Variants in ASB4 observed in about 807,000 individuals in gnomAD.
ASB4 encodes ankyrin repeat and SOCS box protein 4.
Under a neutral mutation model 38.6 loss-of-function variants are expected in ASB4, and 35 were observed. The observed-to-expected ratio is 0.91, with a 90% CI of 0.69 to 1.20. The LOEUF (loss-of-function observed/expected upper bound fraction) is 1.20, where lower values mean the gene tolerates loss of function less well. Among genes scored for constraint, ASB4 ranks in the 50% most tolerant of loss-of-function variants. ASB4 has a pLI of 0.00. For missense variants in ASB4, 557 were observed against 527.2 expected (o/e 1.06, Z -0.55); for synonymous variants, 195 against 201.3 (o/e 0.97, Z 0.26).
rs149408917 is a variant in ASB4 at position 95,500,471 on chromosome 7, C to G, written c.487+4414C>G. ...TTCCTAGCTACTCGAAAGGCTGAGG[C>G]AGGAGAATTGCTTGAGCTCACGAGT... On this transcript the variant is annotated intron_variant, in intron 2 of 4. Transcript: ENST00000325885. Among the ~76,000 whole-genome samples the G allele has an allele frequency of 5.8e-3, 834 of 144,208 alleles. 10 individuals carry two copies. Among genetic ancestry groups the G allele is most frequent in the African/African-American group, 0.02 (776 of 38,610 alleles). The allele number at this position is 144,208 out of a possible 152,430, so 94.6% of individuals were successfully genotyped here. A position where few individuals can be genotyped will look rare whatever the true frequency, so the allele number is the denominator to read the frequency against.
chr7:95,481,127 TG>T (rs149942720), upstream of ASB4, among the ~76,000 whole-genome samples: 4,870 of 152,266 alleles, frequency 0.032, 246 homozygotes, highest in African/African-American at 0.11. Context: ...CTAGAAATAA[TG>T]ATAACAATTA....
the ASB4 span, among the ~76,000 whole-genome samples, chr7:95,550,802 T>C: frequency 4.6e-5 from 7 of 152,200 alleles, no homozygotes; most frequent in Non-Finnish European, 7.3e-5. Context: ...CAAAGGTTAC[T>C]TGAAATTCAG....
chr7:95,529,972 T>A (rs1376498881), intron 3 of ASB4, among the ~76,000 whole-genome samples: 2 of 152,132 alleles, frequency 1.3e-5, no homozygotes, highest in Non-Finnish European at 2.9e-5. Context: ...GGTACTGTTC[T>A]ATTTGCTGGA....
intron 2 of ASB4, among the ~76,000 whole-genome samples, chr7:95,511,034 C>T (rs1339703902): frequency 6.6e-6 from 1 of 152,160 alleles, no homozygotes; most frequent in African/African-American, 2.4e-5. Context: ...TAAGTAATAA[C>T]TTATGGAACA....
At position 95,538,915 on chromosome 7, in the gene ASB4, GTAAA is replaced by G. The variant is rs1246978148; in HGVS notation, c.*1159_*1162del. The G allele has an allele frequency of 6.6e-5, 10 of 152,188 alleles. No individual in the cohort carries two copies. Among genetic ancestry groups the G allele is most frequent in the African/African-American group, 2.4e-4 (10 of 41,452 alleles). 9.4% of individuals were successfully genotyped at this position (152,188 alleles called of 1,614,324 possible). On this transcript the variant is annotated 3_prime_UTR_variant, in exon 5 of 5. Transcript: ENST00000325885. Reference sequence around the variant, plus strand: ...TGCTAGTGACAGTGGGCTACGAAAAGTAAATAGAGAGACTTTTTGAAAATGGTAA... The same window carrying G: ...TGCTAGTGACAGTGGGCTACGAAAAGTAGAGAGACTTTTTGAAAATGGTAA...
chr7:95,481,647 G>A (rs774825487), upstream of ASB4, among the ~76,000 whole-genome samples: 1 of 152,266 alleles, frequency 6.6e-6, no homozygotes, highest in Non-Finnish European at 1.5e-5. Flanking sequence ...GATAAACCAA[G>A]GAGCCATTTG....
At chr7:95,512,677 A>G (rs1790499058) in intron 2 of ASB4, among the ~76,000 whole-genome samples, 1 of 152,214 alleles carries the variant, frequency 6.6e-6, no homozygotes, top group South Asian at 2.1e-4. Flanking sequence ...ATCTTGCAAT[A>G]CTAATATGCC....
the ASB4 span, among the ~76,000 whole-genome samples, chr7:95,547,402 T>C: frequency 6.6e-6 from 1 of 152,228 alleles, no homozygotes; most frequent in Non-Finnish European, 1.5e-5. Flanking sequence ...GCATATATTC[T>C]TATGTGTTTG....
chr7:95,473,619 G>C (rs990220226), upstream of ASB4: 10 of 151,236 alleles, frequency 6.6e-5, no homozygotes, highest in Admixed American at 2.6e-4. Flanking sequence ...CATTGTGAAT[G>C]CTTTTGTAAT....
chr7:95,498,936 T>A (rs1790291149), intron 2 of ASB4, among the ~76,000 whole-genome samples: 1 of 152,212 alleles, frequency 6.6e-6, no homozygotes, highest in South Asian at 2.1e-4. Flanking sequence ...AGTATTTTTG[T>A]CAAAAATCAA....
chr7:95,491,762 C>T (rs1315649255), intron 1 of ASB4, among the ~76,000 whole-genome samples: 3 of 152,152 alleles, frequency 2.0e-5, no homozygotes, highest in African/African-American at 7.2e-5. Flanking sequence ...GTTTGGTCCT[C>T]CATGACAGTA....
chr7:95,473,433 C>T, the ASB4 span, among the ~76,000 whole-genome samples: 1 of 152,132 alleles, frequency 6.6e-6, no homozygotes, highest in African/African-American at 2.4e-5. Context: ...GCTGTGAGAG[C>T]CACAGGTTTA....
chr7:95,526,552 C>T (rs535551361), intron 2 of ASB4, among the ~76,000 whole-genome samples: 3 of 152,278 alleles, frequency 2.0e-5, no homozygotes, highest in South Asian at 4.1e-4. Context: ...TAGTTGCACT[C>T]GTGACAACTA....
chr7:95,515,173 CTTTCTT>C (rs1430308891), intron 2 of ASB4, among the ~76,000 whole-genome samples: 14 of 65,346 alleles, frequency 2.1e-4, no homozygotes, highest in African/African-American at 9.2e-4. Flanking sequence ...CTTTCTCTTT[CTTTCTT>C]TCTTTCTTTC....
At position 95,539,424 on chromosome 7, in the gene ASB4, T is replaced by C. The variant is rs1790940380; in HGVS notation, c.*1665T>C. 1 of 152,194 alleles carries C rather than the reference T, an allele frequency of 6.6e-6. No individual in the cohort carries two copies. The highest frequency in any genetic ancestry group is 2.4e-5 in the African/African-American group (1 of 41,444). 9.4% of individuals were successfully genotyped at this position (152,194 alleles called of 1,614,324 possible). A position where few individuals can be genotyped will look rare whatever the true frequency, so the allele number is the denominator to read the frequency against. ...TATCAGTTTTACTCAGATATTTTGG[T>C]GGAGATATTTTGTACTAAAACAAGA... On this transcript the variant is annotated 3_prime_UTR_variant, in exon 5 of 5. Coordinates refer to ENST00000325885, the MANE Select transcript of ASB4 (RefSeq NM_016116.3).
At chr7:95,486,347 C>G (rs1562808338) in intron 1 of ASB4, among the ~76,000 whole-genome samples, 189 bp downstream of exon 1, 1 of 151,994 alleles carries the variant, frequency 6.6e-6, no homozygotes, top group South Asian at 2.1e-4. Context: ...ATGTATAAGT[C>G]GTGTCTCTCC....
intron 3 of ASB4, 172 bp downstream of exon 3, chr7:95,528,475 A>T: frequency 6.9e-7 from 1 of 1,441,418 alleles, no homozygotes; most frequent in Non-Finnish European, 9.1e-7. Flanking sequence ...ATCTCATCCT[A>T]GTCTAGGTTT....
At chr7:95,489,668 G>A (rs566818533) in intron 1 of ASB4, among the ~76,000 whole-genome samples, 26 of 152,094 alleles carry the variant, frequency 1.7e-4, no homozygotes, top group Non-Finnish European at 3.1e-4. Context: ...CCAAAATTGC[G>A]TTTACCAGAT....
In ASB4 at chr7:95,486,010, T is replaced by A; in HGVS notation, c.39T>A (p.Ala13=). 1 of 1,614,124 alleles carries A rather than the reference T, an allele frequency of 6.2e-7. No individual in the cohort carries two copies. The highest frequency in any genetic ancestry group is 8.5e-7 in the Non-Finnish European group (1 of 1,179,988). The part of the protein sequence containing the change: ...GTTAPVTKSG[A]AKLVKRNFLE... ...CTGCCCCTGTCACTAAATCTGGAGC[T>A]GCCAAGTTAGTTAAGAGAAATTTCC... The change falls in exon 1 of 5, where the codon GCT becomes GCA. Residue 13 remains alanine, a synonymous_variant. Coordinates refer to ENST00000325885, the MANE Select transcript of ASB4 (RefSeq NM_016116.3).
Sources: gnomAD v4.1 joint callset for allele counts (sites outside exome capture counted in the v4.1 genomes callset) on GRCh38, gnomAD v4.1.1 for gene constraint, MANE v1.5 for transcripts, NCBI Gene and HGNC (gene_info 2026-07-23, HGNC 2026-07-21) for gene names.